The following KCNIP4 variants were observed in gnomAD, a reference collection of about 807,000 sequenced individuals.
KCNIP4 encodes potassium voltage-gated channel interacting protein 4, also known as Kv channel-interacting protein 4.
In KCNIP4, 12 loss-of-function variants were observed where a neutral mutation model predicts 34.0. That is an observed-to-expected ratio of 0.35 (90% CI 0.23 to 0.57). KCNIP4 has a LOEUF of 0.57. Among genes scored for constraint, KCNIP4 ranks in the 20% least tolerant of loss-of-function variants. The pLI is 0.83. For missense variants in KCNIP4, 238 were observed against 311.7 expected (o/e 0.76, Z 1.78); for synonymous variants, 124 against 102.2 (o/e 1.21, Z -1.29).
chr4:20,989,911 C>T (rs994254072), intron 1 of KCNIP4, among the ~76,000 whole-genome samples: 4 of 152,078 alleles, frequency 2.6e-5, no homozygotes, highest in Admixed American at 6.5e-5. Flanking sequence ...AGAGGCTGCC[C>T]GTGCCACTGC....
chr4:21,094,666 C>T (rs1032597976), intron 1 of KCNIP4, among the ~76,000 whole-genome samples: 1 of 152,124 alleles, frequency 6.6e-6, no homozygotes, highest in Non-Finnish European at 1.5e-5. Context: ...TATATGACTT[C>T]TGAGGCTAGG....
chr4:21,214,996 C>T (rs1282381059), intron 1 of KCNIP4, among the ~76,000 whole-genome samples: 1 of 152,192 alleles, frequency 6.6e-6, no homozygotes, highest in Non-Finnish European at 1.5e-5. Flanking sequence ...ATACTGATAT[C>T]AGACATGCAG....
At chr4:20,878,413 A>G (rs1226084670) in intron 2 of KCNIP4, among the ~76,000 whole-genome samples, 1 of 152,202 alleles carries the variant, frequency 6.6e-6, no homozygotes, top group East Asian at 1.9e-4. Context: ...AGGACTTAAA[A>G]GACATCTTGT....
chr4:21,080,870 C>T (rs1745944607), intron 1 of KCNIP4, among the ~76,000 whole-genome samples: 1 of 151,820 alleles, frequency 6.6e-6, no homozygotes, highest in African/African-American at 2.4e-5. Context: ...ATTCAATGGG[C>T]AACACTCTAC....
At chr4:21,530,840 T>A (rs945181880) in intron 1 of KCNIP4, among the ~76,000 whole-genome samples, 10 of 152,174 alleles carry the variant, frequency 6.6e-5, no homozygotes, top group African/African-American at 2.4e-4. Context: ...GACAGCTGTG[T>A]CCACAATCAG....
chr4:20,731,902 CA>C, intron 8 of KCNIP4, 103 bp downstream of exon 8: 1 of 1,517,300 alleles, frequency 6.6e-7, no homozygotes. Context: ...TAAACTTAGG[CA>C]TATGATCTCT....
intron 5 of KCNIP4, among the ~76,000 whole-genome samples, chr4:20,735,394 A>T (rs7686310): frequency 6.6e-6 from 1 of 152,214 alleles, no homozygotes; most frequent in Non-Finnish European, 1.5e-5. Context: ...GAGGCTGCTT[A>T]TAACAGTCCT....
chr4:21,728,642 TTC>T (rs1220576128), intron 1 of KCNIP4, among the ~76,000 whole-genome samples: 2 of 152,278 alleles, frequency 1.3e-5, no homozygotes, highest in South Asian at 2.1e-4. Context: ...CATCATTTTT[TTC>T]TCTGTTTCCT....
chr4:21,508,111 T>G (rs867968199), intron 1 of KCNIP4, among the ~76,000 whole-genome samples: 2 of 152,204 alleles, frequency 1.3e-5, no homozygotes, highest in African/African-American at 4.8e-5. Context: ...CCCTTGAGGT[T>G]TGAATAGGTG....
chr4:20,766,982 AT>A (rs1755471575), intron 3 of KCNIP4: 1 of 152,218 alleles, frequency 6.6e-6, no homozygotes, highest in Admixed American at 6.5e-5. Context: ...TGCTATAAGA[AT>A]GAATAAGATA....
At chr4:21,257,702 A>G (rs1761158709) in intron 1 of KCNIP4, among the ~76,000 whole-genome samples, 1 of 151,750 alleles carries the variant, frequency 6.6e-6, no homozygotes, top group African/African-American at 2.4e-5. Flanking sequence ...GTGAGCCGAG[A>G]TCATGCCATT....
At chr4:21,722,868 C>T (rs1292661665) in intron 1 of KCNIP4, among the ~76,000 whole-genome samples, 5 of 151,982 alleles carry the variant, frequency 3.3e-5, no homozygotes, top group African/African-American at 7.3e-5. Flanking sequence ...TTAACTATTG[C>T]GACTATATAT....
intron 1 of KCNIP4, among the ~76,000 whole-genome samples, chr4:21,170,104 A>G (rs568028485): frequency 1.1e-3 from 165 of 152,244 alleles, no homozygotes; most frequent in African/African-American, 3.9e-3. Flanking sequence ...ACCAAATTAT[A>G]TTTAGTAGAG....
chr4:21,446,666 C>T (rs918408563), intron 1 of KCNIP4, among the ~76,000 whole-genome samples: 10 of 150,932 alleles, frequency 6.6e-5, no homozygotes, highest in African/African-American at 1.5e-4. Flanking sequence ...AGGAGATGTA[C>T]CTAATGTTAA....
intron 1 of KCNIP4, among the ~76,000 whole-genome samples, chr4:20,898,772 GTATC>G (rs1184551639): frequency 8.5e-5 from 13 of 152,174 alleles, no homozygotes; most frequent in South Asian, 2.1e-4. Context: ...TATCTATATC[GTATC>G]TATCTATCTC....
At chr4:21,084,125 A>G (rs1301616158) in intron 1 of KCNIP4, among the ~76,000 whole-genome samples, 1 of 151,820 alleles carries the variant, frequency 6.6e-6, no homozygotes, top group Non-Finnish European at 1.5e-5. Flanking sequence ...ATAAAAGGTC[A>G]TTTCTCCTGA....
intron 1 of KCNIP4, among the ~76,000 whole-genome samples, chr4:21,665,753 A>C (rs891882014): frequency 1.3e-5 from 2 of 152,108 alleles, no homozygotes. Flanking sequence ...CATTTGGCAA[A>C]ACTTGTGCTG....
chr4:21,557,963 A>G (rs1446542738), intron 1 of KCNIP4, among the ~76,000 whole-genome samples: 3 of 152,274 alleles, frequency 2.0e-5, no homozygotes, highest in Non-Finnish European at 2.9e-5. Context: ...GGGAAGGGAA[A>G]TTGAGGTTAA....
intron 1 of KCNIP4, among the ~76,000 whole-genome samples, chr4:21,338,264 CAAAA>C (rs869150288): frequency 4.5e-3 from 224 of 50,012 alleles, no homozygotes; most frequent in African/African-American, 0.017. Flanking sequence ...GACTCCTTCT[CAAAA>C]AAAAAAAAAA....
Sources: allele counts gnomAD v4.1 joint callset (sites outside exome capture counted in the v4.1 genomes callset), GRCh38; gene constraint gnomAD v4.1.1; transcripts MANE v1.5; gene names NCBI Gene and HGNC (gene_info 2026-07-23, HGNC 2026-07-21).